Variants in KRCC1 observed in about 807,000 individuals in gnomAD.
KRCC1 encodes lysine rich coiled-coil 1, also known as lysine-rich coiled-coil protein 1.
In KRCC1, 3 loss-of-function variants were observed where a neutral mutation model predicts 7.4. The ratio of observed to expected loss-of-function variants is 0.40; its 90% CI spans 0.18 to 1.04. The LOEUF (loss-of-function observed/expected upper bound fraction) is 1.04, where lower values mean the gene tolerates loss of function less well. KRCC1 is among the 50% of genes least tolerant of loss of function. The pLI is 0.33. For synonymous variants in KRCC1, 102 were observed against 101.6 expected (o/e 1.00, Z -0.02); for missense variants, 277 against 300.9 (o/e 0.92, Z 0.59).
At chr2:88,042,058 CTTTT>C (rs5832712) in intron 1 of KRCC1, among the ~76,000 whole-genome samples, 8 of 111,304 alleles carry the variant, frequency 7.2e-5, no homozygotes, top group Admixed American at 2.8e-4. Flanking sequence ...AGACCATTAT[CTTTT>C]TTTTTTTTTT....
intron 3 of KRCC1, 79 bp from the exon 4 acceptor site, chr2:88,028,664 T>TTTTTTTTTTTTTTC (rs60603649): frequency 2.8e-6 from 2 of 712,272 alleles, no homozygotes. Context: ...TTTTTTTTTT[T>TTTTTTTTTTTTTTC]CTTGAGATGG....
chr2:88,028,123 A>G lies in KRCC1; in HGVS notation c.441T>C (p.Ser147=), dbSNP rs1294513782. ...YKHFSSDNST[S]THQASHKQIH... is the part of the protein sequence containing the mutation. Reference sequence around the variant, plus strand: ...TCTGTTTGTGACTGGCTTGATGAGTACTGGTACTGTTATCTGAGGAGAAGT... The same window carrying G: ...TCTGTTTGTGACTGGCTTGATGAGTGCTGGTACTGTTATCTGAGGAGAAGT... The change falls in exon 4 of 4, where the codon AGT becomes AGC. Residue 147 remains serine (S), a synonymous_variant. Transcript: ENST00000347055. 1 of 1,613,936 alleles carries G rather than the reference A, an allele frequency of 6.2e-7. No individual in the cohort carries two copies. Among genetic ancestry groups the G allele is most frequent in the Admixed American group, 1.7e-5 (1 of 59,996 alleles).
At chr2:88,046,525 C>T (rs973752565) in intron 1 of KRCC1, among the ~76,000 whole-genome samples, 1 of 152,212 alleles carries the variant, frequency 6.6e-6, no homozygotes, top group Admixed American at 6.5e-5. Context: ...TATGGTTACC[C>T]ATAAACAAGG....
At chr2:88,032,993 T>C (rs1673024215) in intron 3 of KRCC1, among the ~76,000 whole-genome samples, 1 of 152,102 alleles carries the variant, frequency 6.6e-6, no homozygotes, top group South Asian at 2.1e-4. Context: ...ACGATATGAT[T>C]CCATTTATAT....
intron 2 of KRCC1, 62 bp from the exon 3 acceptor site, chr2:88,034,354 C>T (rs1010319312): frequency 1.3e-5 from 2 of 152,310 alleles, no homozygotes; most frequent in African/African-American, 4.8e-5. Context: ...ATCACATCAA[C>T]ATAGACCAAT....
intron 1 of KRCC1, among the ~76,000 whole-genome samples, chr2:88,051,536 G>C (rs1277441535): frequency 6.6e-6 from 1 of 152,170 alleles, no homozygotes; most frequent in East Asian, 1.9e-4. Flanking sequence ...TCCTAGCCAT[G>C]TTTTAGATAG....
Position 88,042,311 on chromosome 2 carries a change from C to T in KRCC1, c.-290-5260G>A, listed in dbSNP as rs535883066. 2.7e-4 allele frequency among the ~76,000 whole-genome samples: 41 copies of T among 152,282 alleles called. No homozygotes were observed. In the East Asian group the frequency reaches 6.2e-3, roughly 23 times the overall value. ...TCCTGACCTCATGATCCAACCCCCT[C>T]GGAATCCCAAAGTCCTGGGATTACA... On this transcript the variant is annotated intron_variant, in intron 1 of 3. Coordinates refer to ENST00000347055, the MANE Select transcript of KRCC1 (RefSeq NM_016618.3).
intron 1 of KRCC1, among the ~76,000 whole-genome samples, chr2:88,042,174 A>T (rs1673226115): frequency 6.7e-6 from 1 of 149,450 alleles, no homozygotes. Flanking sequence ...CATTCTCCTG[A>T]CTCAGCCTCC....
rs1263073977 is a variant in KRCC1 at position 88,027,983 on chromosome 2, C to T, written c.581G>A (p.Ser194Asn). Residue 194 changes from serine to asparagine, a missense_variant, in exon 4 of 4, where the codon AGC becomes AAC. By Grantham distance (46) the Ser-to-Asn change is conservative. Coordinates refer to ENST00000347055, the MANE Select transcript of KRCC1 (RefSeq NM_016618.3). ...CEEIDLDKHK[S>N]IQRKKTEVEI... ...CACCTCTGTTTTCTTTCTTTGGATG[C>T]TCTTGTGTTTGTCTAAGTCAATTTC... is the stretch of plus-strand genomic sequence containing the variant. 2.5e-6 allele frequency: 4 copies of T among 1,613,768 alleles called. No individual in the cohort carries two copies. The highest frequency in any genetic ancestry group is 3.4e-6 in the Non-Finnish European group (4 of 1,179,982).
intron 3 of KRCC1, among the ~76,000 whole-genome samples, chr2:88,029,341 A>C (rs1672947824): frequency 1.3e-5 from 2 of 152,250 alleles, no homozygotes; most frequent in African/African-American, 2.4e-5. Flanking sequence ...TCTTCAGTTT[A>C]CTCAAGATAA....
At chr2:88,035,335 A>G (rs1018917360) in intron 2 of KRCC1, among the ~76,000 whole-genome samples, 2 of 152,182 alleles carry the variant, frequency 1.3e-5, no homozygotes, top group African/African-American at 4.8e-5. Flanking sequence ...AGCAAGATGT[A>G]GCCATGTGAA....
chr2:88,034,497 TTAAC>T (rs1673053913), intron 2 of KRCC1, among the ~76,000 whole-genome samples: 1 of 152,164 alleles, frequency 6.6e-6, no homozygotes, highest in Admixed American at 6.5e-5. Context: ...AGTTTTATTT[TTAAC>T]TGACAAGTAA....
chr2:88,047,848 T>G (rs1673376009), intron 1 of KRCC1, among the ~76,000 whole-genome samples: 1 of 152,114 alleles, frequency 6.6e-6, no homozygotes, highest in Non-Finnish European at 1.5e-5. Context: ...GGTTTTTAAA[T>G]GGTTACTAAA....
At chr2:88,036,575 T>G (rs945824902) in intron 2 of KRCC1, among the ~76,000 whole-genome samples, 1 of 152,172 alleles carries the variant, frequency 6.6e-6, no homozygotes. Flanking sequence ...GTTGTAACCT[T>G]TGATTAATTT....
intron 1 of KRCC1, among the ~76,000 whole-genome samples, chr2:88,054,636 C>A (rs181020193): frequency 6.6e-6 from 1 of 152,258 alleles, no homozygotes; most frequent in Admixed American, 6.5e-5. Context: ...CCTGACTCTA[C>A]TTGAGCCCTC....
chr2:88,030,546 A>T (rs1573073596), intron 3 of KRCC1, among the ~76,000 whole-genome samples: 1 of 152,244 alleles, frequency 6.6e-6, no homozygotes, highest in Non-Finnish European at 1.5e-5. Context: ...AAGCACATGA[A>T]AAGATGTTTA....
intron 1 of KRCC1, among the ~76,000 whole-genome samples, chr2:88,054,117 A>C (rs1673559340): frequency 6.6e-6 from 1 of 152,194 alleles, no homozygotes; most frequent in Non-Finnish European, 1.5e-5. Flanking sequence ...AAGAACTCAA[A>C]CATCTCTTAG....
chr2:88,028,775 C>T (rs1672936689), intron 3 of KRCC1, among the ~76,000 whole-genome samples, 190 bp from the exon 4 acceptor site: 3 of 151,686 alleles, frequency 2.0e-5, no homozygotes, highest in South Asian at 4.2e-4. Context: ...CTCAGCCTCC[C>T]GAGTAGCTGG....
chr2:88,040,061 A>AATACATGG (rs1339962165), intron 1 of KRCC1, among the ~76,000 whole-genome samples: 1 of 152,174 alleles, frequency 6.6e-6, no homozygotes, highest in East Asian at 1.9e-4. Flanking sequence ...AACAAATCAG[A>AATACATGG]ATACATGGAA....
Sources: allele counts gnomAD v4.1 joint callset (sites outside exome capture counted in the v4.1 genomes callset), GRCh38; gene constraint gnomAD v4.1.1; transcripts MANE v1.5; gene names NCBI Gene and HGNC (gene_info 2026-07-23, HGNC 2026-07-21).